BSN: variants seen among roughly 807,000 people sequenced by gnomAD.
BSN encodes protein bassoon.
A neutral mutation model predicts 264.8 loss-of-function variants in BSN; 57 were observed. The observed-to-expected ratio is 0.22, with a 90% CI of 0.17 to 0.27. BSN has a LOEUF of 0.27. Among genes scored for constraint, BSN ranks in the 10% least tolerant of loss-of-function variants. The pLI is 1.00. For missense variants in BSN, 4,615 were observed against 5,232.5 expected, an observed-to-expected ratio of 0.88 and a Z score of 3.64; for synonymous variants, 2,059 against 2,137.3, an observed-to-expected ratio of 0.96 and a Z score of 1.01.
At chr3:49,610,110 G>C (rs75908923) in intron 1 of BSN, among the ~76,000 whole-genome samples, 10 of 152,170 alleles carry the variant, frequency 6.6e-5, no homozygotes, top group Non-Finnish European at 1.5e-4. Context: ...GCTTCCTCCA[G>C]GGTTTTCTGA....
chr3:49,611,403 G>T (rs2052205647), intron 1 of BSN, among the ~76,000 whole-genome samples: 1 of 152,190 alleles, frequency 6.6e-6, no homozygotes, highest in Non-Finnish European at 1.5e-5. Context: ...ACCCAAAGTT[G>T]TATCATGCGG....
Position 49,650,714 on chromosome 3 carries a change from G to A in BSN, c.1621G>A (p.Val541Ile), listed in dbSNP as rs1229499210. 1.9e-6 allele frequency: 3 copies of A among 1,613,012 alleles called. No homozygotes were observed. The highest frequency in any genetic ancestry group is 2.5e-6 in the Non-Finnish European group (3 of 1,179,836). ...LPPPTSQQPPVGAPHRASGTS... is the reference protein window; with the variant it reads ...LPPPTSQQPPIGAPHRASGTS... ...GCCGCCCACCTCACAGCAGCCCCCT[G>A]TAGGGGCCCCTCACCGTGCATCTGG... Residue 541 changes from valine (V) to isoleucine (I), a missense_variant, in exon 4 of 12, where the codon GTA becomes ATA. By Grantham distance (29) the Val-to-Ile change is conservative. Coordinates refer to ENST00000296452, the MANE Select transcript of BSN (RefSeq NM_003458.4).
At chr3:49,666,910 G>A (rs776514106) in intron 11 of BSN, among the ~76,000 whole-genome samples, 7 of 152,176 alleles carry the variant, frequency 4.6e-5, no homozygotes, top group Non-Finnish European at 1.0e-4. Context: ...GGCTTCCTGC[G>A]GCTTCCCGCT....
rs775135405 is a variant in BSN, at chr3:49,650,837, C to A, written c.1744C>A (p.Leu582Met). 2.5e-6 allele frequency: 4 copies of A among 1,614,058 alleles called. No individual in the cohort carries two copies. Among genetic ancestry groups the A allele is most frequent in the Admixed American group, 3.3e-5 (2 of 60,002 alleles). Residue 582 changes from leucine to methionine, a missense_variant, in exon 4 of 12, where the codon CTG becomes ATG. By Grantham distance (15) the Leu-to-Met change is conservative. Around this residue, in one of 3 missense-constraint regions of BSN, gnomAD observed 1,197 missense variants for 1,348.0 expected, o/e 0.89. Coordinates refer to ENST00000296452, the MANE Select transcript of BSN (RefSeq NM_003458.4). ...CCCTCTATCCACCAAGGCCAGCCCT[C>A]TGCCCAGCAAGGCCAGCCCCCAGGC... ...ASPLSTKASPLPSKASPQAKP... is the reference protein window; with the variant it reads ...ASPLSTKASPMPSKASPQAKP...
chr3:49,574,786 ATGCT>A (rs1161846390), intron 1 of BSN, among the ~76,000 whole-genome samples: 1 of 151,696 alleles, frequency 6.6e-6, no homozygotes, highest in Admixed American at 6.6e-5. Flanking sequence ...GTGTGCCACC[ATGCT>A]CAGCTAATTT....
chr3:49,603,277 C>T (rs555994024), intron 1 of BSN, among the ~76,000 whole-genome samples: 1 of 152,310 alleles, frequency 6.6e-6, no homozygotes, highest in South Asian at 2.1e-4. Flanking sequence ...GACTCACCCA[C>T]CTCTTGTTGG....
In BSN at chr3:49,658,453, C is replaced by T. The variant is rs962213302; in HGVS notation, c.8640+257C>T. Among the ~76,000 whole-genome samples, 6 of 151,670 alleles carry T rather than the reference C, an allele frequency of 4.0e-5. 1 individual carries two copies. The highest frequency in any genetic ancestry group is 8.9e-5 in the Non-Finnish European group (6 of 67,684). On this transcript the variant is annotated intron_variant, in intron 5 of 11. Coordinates refer to ENST00000296452, the MANE Select transcript of BSN (RefSeq NM_003458.4). ...CACATACCCTACTAGAAGCTTCAGC[C>T]TCCTCCCAGCACTGTCCCTTCACCA...
At position 49,624,623 on chromosome 3, in the gene BSN, G is replaced by A. The variant is rs534180547; in HGVS notation, c.225-352G>A. Among the ~76,000 whole-genome samples the A allele has an allele frequency of 1.0e-3, 156 of 152,280 alleles. 1 individual carries two copies. Among genetic ancestry groups the A allele is most frequent in the Non-Finnish European group, 1.8e-3 (125 of 68,032 alleles). Reference sequence around the variant, plus strand: ...CCATCCCAGTTATTTCTAACATGTAGGTTTAGAATCTTGGTATTCAAAGCA... The same window carrying A: ...CCATCCCAGTTATTTCTAACATGTAAGTTTAGAATCTTGGTATTCAAAGCA... On this transcript the variant is annotated intron_variant, in intron 1 of 11. Transcript: ENST00000296452.
intron 1 of BSN, among the ~76,000 whole-genome samples, chr3:49,580,048 C>T (rs2051883342): frequency 6.6e-6 from 1 of 152,058 alleles, no homozygotes; most frequent in Non-Finnish European, 1.5e-5. Flanking sequence ...ATATATTGGT[C>T]TAAAGTTTTC....
chr3:49,663,847 GC>G lies in BSN; in HGVS notation c.11570del (p.Ala3857ValfsTer15). 1 of 1,614,054 alleles carries G rather than the reference GC, an allele frequency of 6.2e-7. No individual in the cohort carries two copies. The highest frequency in any genetic ancestry group is 8.5e-7 in the Non-Finnish European group (1 of 1,180,020). On this transcript the variant is annotated frameshift_variant, in exon 8 of 12. Transcript: ENST00000296452. LOFTEE classifies it high-confidence loss of function. ...AGCCAAAGCACCGCAACAGGGGAGG[GC>G]TCCTCAGGCCCAGCCAGCACCAGGA... Reference protein sequence around the residue: ...GTAKAPQQGRAPQAQPAPGPG... With the variant: ...GTAKAPQQGRXPQAQPAPGPG...
intron 5 of BSN, among the ~76,000 whole-genome samples, chr3:49,659,131 G>A (rs1372077116): frequency 6.6e-6 from 1 of 152,202 alleles, no homozygotes; most frequent in African/African-American, 2.4e-5. Flanking sequence ...TTCAGGGTGT[G>A]ACACAGAGAC....
At position 49,638,933 on chromosome 3, in the gene BSN, C is replaced by A. The variant is rs73834008; in HGVS notation, c.634-3335C>A. Among the ~76,000 whole-genome samples the A allele has an allele frequency of 2.6e-5, 4 of 152,146 alleles. No homozygotes were observed. The highest frequency in any genetic ancestry group is 4.8e-5 in the African/African-American group (2 of 41,440). On this transcript the variant is annotated intron_variant, in intron 2 of 11. Coordinates refer to ENST00000296452, the MANE Select transcript of BSN (RefSeq NM_003458.4). This position sits in a 1 kb window ranked among gnomAD's most constrained non-coding sequence, Gnocchi z 4.3. The stretch of plus-strand genomic sequence containing the variant: ...ACGTTGGGTGTGGGCTGGGCACCCA[C>A]GGGAAGAACTGAATTTGTGGCTGCC...
At chr3:49,611,462 G>C (rs1404739983) in intron 1 of BSN, among the ~76,000 whole-genome samples, 1 of 152,188 alleles carries the variant, frequency 6.6e-6, no homozygotes, top group African/African-American at 2.4e-5. Flanking sequence ...GGGAGCAGGA[G>C]CCTCCGTGAC....
At chr3:49,581,769 A>G (rs909820999) in intron 1 of BSN, among the ~76,000 whole-genome samples, 4 of 152,142 alleles carry the variant, frequency 2.6e-5, no homozygotes, top group African/African-American at 4.8e-5. Context: ...GGTTGCAGTG[A>G]GCCGAAATCG....
intron 1 of BSN, among the ~76,000 whole-genome samples, chr3:49,580,748 C>G (rs544567168): frequency 6.6e-6 from 1 of 152,324 alleles, no homozygotes; most frequent in Admixed American, 6.5e-5. Flanking sequence ...GCATGAGCCA[C>G]TGTGCCTGGT....
chr3:49,571,719 A>T (rs1169224725), intron 1 of BSN, among the ~76,000 whole-genome samples: 1 of 152,108 alleles, frequency 6.6e-6, no homozygotes, highest in Non-Finnish European at 1.5e-5. Flanking sequence ...AACTCTGTAA[A>T]CAAGCCGACA....
chr3:49,615,055 C>T (rs1447701552), intron 1 of BSN, among the ~76,000 whole-genome samples: 1 of 152,160 alleles, frequency 6.6e-6, no homozygotes, highest in African/African-American at 2.4e-5. Flanking sequence ...TCACATTCTC[C>T]CCTTGCTGAC....
intron 1 of BSN, among the ~76,000 whole-genome samples, chr3:49,564,567 C>T (rs961165200): frequency 6.6e-6 from 1 of 152,304 alleles, no homozygotes; most frequent in Admixed American, 6.5e-5. Context: ...TTTCTAAACC[C>T]CTGCATCTGA....
chr3:49,563,262 G>A (rs1191577367), intron 1 of BSN, among the ~76,000 whole-genome samples: 1 of 152,120 alleles, frequency 6.6e-6, no homozygotes, highest in Admixed American at 6.5e-5. Flanking sequence ...AGGGGCTCTC[G>A]GAAAACTGAT....
Sources: gnomAD v4.1 joint callset for allele counts (sites outside exome capture counted in the v4.1 genomes callset) on GRCh38, gnomAD v4.1.1 for gene constraint, gnomAD v4.1.1 regional missense constraint, Gnocchi (gnomAD v3.1) non-coding constraint, MANE v1.5 for transcripts, NCBI Gene and HGNC (gene_info 2026-07-23, HGNC 2026-07-21) for gene names.